The following INTS1 variants were observed in gnomAD, a reference collection of about 807,000 sequenced individuals.
INTS1 encodes integrator complex subunit 1.
A neutral mutation model predicts 241.6 loss-of-function variants in INTS1; 137 were observed. The observed-to-expected ratio is 0.57, with a 90% confidence interval of 0.49 to 0.65. The LOEUF is 0.65. INTS1 is among the 30% of genes least tolerant of loss of function. The probability of loss-of-function intolerance (pLI) is 0.00; values close to 1 mark genes in which losing one functional copy is unlikely to be tolerated. For synonymous variants in INTS1, 1,692 were observed against 1,337.8 expected, an observed-to-expected ratio of 1.26 and a Z score of -5.78; for missense variants, 3,073 against 3,032.2, an observed-to-expected ratio of 1.01 and a Z score of -0.32.
chr7:1,474,030 T>C (rs773161436), intron 41 of INTS1, 138 bp downstream of exon 41: 10 of 1,015,788 alleles, frequency 9.8e-6, no homozygotes, highest in African/African-American at 1.6e-5. Flanking sequence ...GGGTGGGAGC[T>C]GGTCCCCAGG....
chr7:1,499,489 C>G lies in INTS1; in HGVS notation c.828G>C (p.Ala276=), dbSNP rs759457688. 1 of 1,601,922 alleles carries G rather than the reference C, an allele frequency of 6.2e-7. No individual in the cohort carries two copies. The highest frequency in any genetic ancestry group is 1.7e-5 in the Admixed American group (1 of 58,266). ...VLLQGEAGRV[A]GDLGAGSSPH... Reference sequence around the variant, plus strand: ...GTGTCTCACCTGCACCCAGGTCGCCCGCAACGCGGCCCGCCTCCCCCTGCA... The same window carrying G: ...GTGTCTCACCTGCACCCAGGTCGCCGGCAACGCGGCCCGCCTCCCCCTGCA... Residue 276 remains alanine (A), a synonymous_variant, in exon 6 of 48, where the codon GCG becomes GCC. Coordinates refer to ENST00000404767, the MANE Select transcript of INTS1 (RefSeq NM_001080453.3).
chr7:1,504,234 A>G lies in INTS1; in HGVS notation c.-42+89T>C, dbSNP rs940544095. ...GCCGGGCTGGAGGCGGCAGAACCAG[A>G]AGGGACGGCCCAGAGGCCGGGAGCG... On this transcript the variant is annotated intron_variant, in intron 1 of 47. Coordinates refer to ENST00000404767, the MANE Select transcript of INTS1 (RefSeq NM_001080453.3). The G allele has an allele frequency of 5.5e-6, 3 of 546,832 alleles. No individual in the cohort carries two copies. The African/African-American group carries it at 6.1e-5, about 11-fold the overall frequency. The allele number at this position is 546,832 out of a possible 1,614,324, so 33.9% of individuals were successfully genotyped here. A position where few individuals can be genotyped will look rare whatever the true frequency, so the allele number is the denominator to read the frequency against.
rs1460323145 is a variant in INTS1 at position 1,493,616 on chromosome 7, C to G, written c.2068+138G>C. Reference sequence around the variant, plus strand: ...CGGCAGATGTGGAGAAGGCAGGTCCCCGAGCCTCCCGGGGACCCAGGACCC... The same window carrying G: ...CGGCAGATGTGGAGAAGGCAGGTCCGCGAGCCTCCCGGGGACCCAGGACCC... On this transcript the variant is annotated intron_variant, in intron 15 of 47. Transcript: ENST00000404767. This position sits in a 1 kb window ranked among gnomAD's most constrained non-coding sequence, Gnocchi z 5.3. 2 of 1,173,804 alleles carry G rather than the reference C, an allele frequency of 1.7e-6. No individual in the cohort carries two copies. Among genetic ancestry groups the G allele is most frequent in the East Asian group, 5.4e-5 (2 of 36,908 alleles). The allele number at this position is 1,173,804 out of a possible 1,614,324, so 72.7% of individuals were successfully genotyped here.
chr7:1,478,973 G>A (rs1202897881), intron 31 of INTS1, 88 bp from the exon 32 acceptor site: 2 of 1,411,838 alleles, frequency 1.4e-6, no homozygotes, highest in East Asian at 5.0e-5. Flanking sequence ...CCGTGAGGCT[G>A]CTGAGACCTG....
chr7:1,494,696 G>A lies in INTS1; in HGVS notation c.1910+120C>T, dbSNP rs2128542336. 3.3e-6 allele frequency: 3 copies of A among 922,862 alleles called. No homozygotes were observed. In the East Asian group the frequency reaches 7.9e-5, roughly 24 times the overall value. 57.2% of individuals were successfully genotyped at this position (922,862 alleles called of 1,614,324 possible). A position where few individuals can be genotyped will look rare whatever the true frequency, so the allele number is the denominator to read the frequency against. On this transcript the variant is annotated intron_variant, in intron 14 of 47. Coordinates refer to ENST00000404767, the MANE Select transcript of INTS1 (RefSeq NM_001080453.3). ...AGGATTGTGGAGGAGGAGCAGGATG[G>A]TGCTGTGACCATGGGAACAGCCGCC...
At chr7:1,503,287 C>T in intron 2 of INTS1, 96 bp from the exon 3 acceptor site, 1 of 1,343,880 alleles carries the variant, frequency 7.4e-7, no homozygotes, top group Non-Finnish European at 1.0e-6. Flanking sequence ...GGGGATTAAA[C>T]AAGGGTCAGA....
At chr7:1,494,055 A>G in intron 14 of INTS1, 144 bp from the exon 15 acceptor site, 1 of 1,045,582 alleles carries the variant, frequency 9.6e-7, no homozygotes. Flanking sequence ...TATCCCCTCC[A>G]ACCTGAGCCT....
chr7:1,491,458 G>T (rs1182660064), intron 16 of INTS1, among the ~76,000 whole-genome samples: 1 of 152,210 alleles, frequency 6.6e-6, no homozygotes, highest in Non-Finnish European at 1.5e-5. Context: ...TCAAACACCT[G>T]AAAGTAAGAG....
In INTS1 at chr7:1,499,879, C is replaced by A; in HGVS notation, c.684+5G>T. On this transcript the variant is annotated splice_donor_5th_base_variant and intron_variant, in intron 5 of 47. Transcript: ENST00000404767. ...ATCTTCACCGTCCCGGGAGAGGACG[C>A]TCACCTTGACAAAGATCTCGGGCCA... is the stretch of plus-strand genomic sequence containing the variant. 6.2e-7 allele frequency: 1 copy of A among 1,611,304 alleles called. No individual in the cohort carries two copies. The highest frequency in any genetic ancestry group is 8.5e-7 in the Non-Finnish European group (1 of 1,178,358).
In INTS1 at chr7:1,481,006, A is replaced by G; in HGVS notation, c.3851-73T>C. ...AGCAGGTCCTTCCCTCTCCACAGAA[A>G]CCAGAGTTGGAGATGCCCCCACCGT... On this transcript the variant is annotated intron_variant, in intron 28 of 47. Transcript: ENST00000404767. This position sits in a 1 kb window ranked among gnomAD's most constrained non-coding sequence, Gnocchi z 6.8. The G allele has an allele frequency of 8.6e-7, 1 of 1,156,076 alleles. No individual in the cohort carries two copies. Among genetic ancestry groups the G allele is most frequent in the Non-Finnish European group, 1.3e-6 (1 of 786,480 alleles). 71.6% of individuals were successfully genotyped at this position (1,156,076 alleles called of 1,614,324 possible). A position where few individuals can be genotyped will look rare whatever the true frequency, so the allele number is the denominator to read the frequency against.
intron 26 of INTS1, 71 bp downstream of exon 26, chr7:1,483,671 C>T (rs1360759307): frequency 1.7e-6 from 2 of 1,188,510 alleles, no homozygotes; most frequent in Admixed American, 1.7e-5. Context: ...GATGCGGAAG[C>T]CGCTGGGTGT....
Position 1,503,199 on chromosome 7 carries a change from G to GA in INTS1, c.59-9dup. On this transcript the variant is annotated splice_polypyrimidine_tract_variant and intron_variant, in intron 2 of 47. Coordinates refer to ENST00000404767, the MANE Select transcript of INTS1 (RefSeq NM_001080453.3). ...CTCCTGGGGGAGGGTGCCCTGCAGA[G>GA]AAAGGAGAGAGAAAACCGGGCACAT... is the stretch of plus-strand genomic sequence containing the variant. 1 of 1,520,930 alleles carries GA rather than the reference G, an allele frequency of 6.6e-7. No homozygotes were observed. Among genetic ancestry groups the GA allele is most frequent in the Non-Finnish European group, 8.8e-7 (1 of 1,135,536 alleles). 94.2% of individuals were successfully genotyped at this position (1,520,930 alleles called of 1,614,324 possible). A position where few individuals can be genotyped will look rare whatever the true frequency, so the allele number is the denominator to read the frequency against.
rs916055851 is a variant in INTS1, at chr7:1,478,085, C to T, written c.4631-149G>A. 1.9e-4 allele frequency: 140 copies of T among 749,630 alleles called. 1 individual carries two copies. The South Asian group carries it at 2.2e-3, about 12-fold the overall frequency. 46.4% of individuals were successfully genotyped at this position (749,630 alleles called of 1,614,324 possible). A position where few individuals can be genotyped will look rare whatever the true frequency, so the allele number is the denominator to read the frequency against. ...CCGGAGCCAGAGAGGAGAGTGCAGC[C>T]GGGGCCGGAGAGGAGAGTGCGGCCG... On this transcript the variant is annotated intron_variant, in intron 33 of 47. Transcript: ENST00000404767.
intron 11 of INTS1, 96 bp from the exon 12 acceptor site, chr7:1,496,360 GACACCCGGGAGCCCCAC>G: frequency 4.1e-6 from 2 of 482,190 alleles, no homozygotes; most frequent in Non-Finnish European, 3.6e-6. Flanking sequence ...ATCCAGAAGG[GACACCCGGGAGCCCCAC>G]TCCACACCCA....
chr7:1,474,272 G>A lies in INTS1; in HGVS notation c.5725C>T (p.Leu1909=), dbSNP rs775110300. ...AGCTCCAGCAGGCCCAGCACGTGCA[G>A]GAAGCAGCTCAGGTGGTTCTGCTGC... ...FRQQNHLSCF[L]HVLGLLELLQ... The change falls in exon 41 of 48, where the codon CTG becomes TTG. Residue 1909 remains leucine, a synonymous_variant. Coordinates refer to ENST00000404767, the MANE Select transcript of INTS1 (RefSeq NM_001080453.3). The A allele has an allele frequency of 1.2e-6, 2 of 1,608,510 alleles. No homozygotes were observed. The highest frequency in any genetic ancestry group is 1.1e-5 in the South Asian group (1 of 91,012).
chr7:1,475,886 C>T, intron 39 of INTS1, 62 bp downstream of exon 39: 3 of 1,512,200 alleles, frequency 2.0e-6, no homozygotes, highest in Non-Finnish European at 2.7e-6. Context: ...CCTCCGCCCT[C>T]CCTCCCTGCC....
intron 11 of INTS1, among the ~76,000 whole-genome samples, chr7:1,496,489 G>A (rs921830669): frequency 9.2e-5 from 14 of 151,804 alleles, no homozygotes; most frequent in Admixed American, 1.3e-4. Context: ...AGGGACACCC[G>A]GGAGCCCCAC....
intron 3 of INTS1, 75 bp downstream of exon 3, chr7:1,502,826 G>A: frequency 2.0e-6 from 3 of 1,524,108 alleles, no homozygotes; most frequent in African/African-American, 1.4e-5. Context: ...TAGGCCTGGA[G>A]GGGGCCTTCC....
intron 26 of INTS1, chr7:1,483,364 C>T (rs1465359093): frequency 5.6e-6 from 2 of 359,550 alleles, no homozygotes; most frequent in African/African-American, 4.2e-5. Flanking sequence ...GGGAGAGGAC[C>T]CACTTGCCTG....
Sources: allele counts gnomAD v4.1 joint callset (sites outside exome capture counted in the v4.1 genomes callset), GRCh38; gene constraint gnomAD v4.1.1; non-coding constraint Gnocchi (gnomAD v3.1); transcripts MANE v1.5; gene names NCBI Gene and HGNC (gene_info 2026-07-23, HGNC 2026-07-21).